Variants in NRDE2 observed in about 807,000 individuals in gnomAD.
The protein encoded by NRDE2 is NRDE-2, necessary for RNA interference, domain containing, also known as nuclear exosome regulator NRDE2.
A neutral mutation model predicts 124.2 loss-of-function variants in NRDE2; 76 were observed. That is an observed-to-expected ratio of 0.61 (90% CI 0.51 to 0.74). The LOEUF (loss-of-function observed/expected upper bound fraction) is 0.74, where lower values mean the gene tolerates loss of function less well. Ranked by LOEUF, NRDE2 falls within the 30% of genes least tolerant of loss-of-function variation. NRDE2 has a pLI of 0.00. For missense variants in NRDE2, 1,314 were observed against 1,417.3 expected, an observed-to-expected ratio of 0.93 and a Z score of 1.17; for synonymous variants, 489 against 528.1, an observed-to-expected ratio of 0.93 and a Z score of 1.01.
chr14:90,301,780 C>G (rs1405555042), intron 6 of NRDE2: 3 of 456,202 alleles, frequency 6.6e-6, no homozygotes, highest in Non-Finnish European at 1.3e-5. Context: ...TCACCAGCAA[C>G]TTTCATCCTA....
At position 90,276,923 on chromosome 14, in the gene NRDE2, A is replaced by C. The variant is rs1256646877; in HGVS notation, c.*1413T>G. On this transcript the variant is annotated 3_prime_UTR_variant, in exon 14 of 14. Coordinates refer to ENST00000354366, the MANE Select transcript of NRDE2 (RefSeq NM_017970.4). The stretch of plus-strand genomic sequence containing the variant: ...CTGATGTCTGCCCCACGCAGAGGAC[A>C]AGGGTGGAGAAGGTCCCTCTTTGTG... 6.6e-6 allele frequency: 1 copy of C among 152,280 alleles called. No individual in the cohort carries two copies. Among genetic ancestry groups the C allele is most frequent in the African/African-American group, 2.4e-5 (1 of 41,450 alleles). The allele number at this position is 152,280 out of a possible 1,614,324, so 9.4% of individuals were successfully genotyped here.
chr14:90,329,890 T>C (rs1325456186), intron 1 of NRDE2, among the ~76,000 whole-genome samples: 2 of 149,030 alleles, frequency 1.3e-5, no homozygotes, highest in Non-Finnish European at 3.0e-5. Flanking sequence ...ACATAAAGCC[T>C]TCTTTGAACC....
rs894073043 is a variant in NRDE2, at chr14:90,270,468, T to C, written c.*7868A>G. 5 of 1,177,160 alleles carry C rather than the reference T, an allele frequency of 4.2e-6. No homozygotes were observed. In the African/African-American group the frequency reaches 4.6e-5, roughly 11 times the overall value. 72.9% of individuals were successfully genotyped at this position (1,177,160 alleles called of 1,614,324 possible). A position where few individuals can be genotyped will look rare whatever the true frequency, so the allele number is the denominator to read the frequency against. Reference sequence around the variant, plus strand: ...GGACAGGTGGGTGTCTGTATTTTAATCATCATATTGGTTTACGATTACATC... The same window carrying C: ...GGACAGGTGGGTGTCTGTATTTTAACCATCATATTGGTTTACGATTACATC... On this transcript the variant is annotated 3_prime_UTR_variant, in exon 14 of 14. Transcript: ENST00000354366.
Position 90,304,150 on chromosome 14 carries a change from G to A in NRDE2, c.790C>T (p.Pro264Ser), listed in dbSNP as rs368460166. The change falls in exon 5 of 14, where the codon CCT becomes TCT. Residue 264 changes from proline to serine, a missense_variant. Physicochemically the swap from Pro to Ser is moderately conservative, Grantham distance 74. Transcript: ENST00000354366. ...IPVKDLEDAA[P>S]VTTWLNPLGI... is the part of the protein sequence containing the mutation. ...AGAGGATTCAACCAGGTTGTAACAG[G>A]AGCCGCATCTTCCAAGTCCTTCACT... The A allele has an allele frequency of 7.0e-5, 113 of 1,614,100 alleles. No homozygotes were observed. The highest frequency in any genetic ancestry group is 8.3e-5 in the Non-Finnish European group (98 of 1,180,054).
chr14:90,314,768 C>T (rs1193988055), intron 3 of NRDE2, among the ~76,000 whole-genome samples: 2 of 152,188 alleles, frequency 1.3e-5, no homozygotes, highest in African/African-American at 2.4e-5. Flanking sequence ...CTGTGCACCA[C>T]GTGCTGTGGG....
chr14:90,326,211 G>C (rs1383163834), intron 1 of NRDE2, among the ~76,000 whole-genome samples: 1 of 152,124 alleles, frequency 6.6e-6, no homozygotes, highest in African/African-American at 2.4e-5. Context: ...GAAAGAGAGG[G>C]AGGCCGGGCG....
intron 8 of NRDE2, among the ~76,000 whole-genome samples, chr14:90,297,940 CAAAAAA>C (rs58242184): frequency 1.0e-5 from 1 of 96,544 alleles, no homozygotes. Context: ...GATTCTGTCT[CAAAAAA>C]AAAAAAAAAA....
At chr14:90,295,577 A>G (rs376681322) in intron 8 of NRDE2, among the ~76,000 whole-genome samples, 1 of 152,232 alleles carries the variant, frequency 6.6e-6, no homozygotes, top group Admixed American at 6.5e-5. Context: ...AGGACTCAAA[A>G]GATTACAGAG....
Position 90,269,354 on chromosome 14 carries a change from G to C in NRDE2, c.*8982C>G, listed in dbSNP as rs761313673. On this transcript the variant is annotated 3_prime_UTR_variant, in exon 14 of 14. Coordinates refer to ENST00000354366, the MANE Select transcript of NRDE2 (RefSeq NM_017970.4). ...TTGCTGTAATTCCCCTTGAGCAGGC[G>C]ATCAGTTGAGTCTTCATTCCTTCCC... 6 of 1,541,026 alleles carry C rather than the reference G, an allele frequency of 3.9e-6. No individual in the cohort carries two copies. Among genetic ancestry groups the C allele is most frequent in the Admixed American group, 3.7e-5 (2 of 54,182 alleles).
chr14:90,287,272 T>C (rs971008332), intron 11 of NRDE2, among the ~76,000 whole-genome samples: 1 of 151,972 alleles, frequency 6.6e-6, no homozygotes, highest in East Asian at 1.9e-4. Context: ...GGGAAAACAA[T>C]GATGCCTAAG....
chr14:90,286,160 C>T (rs559041803), intron 12 of NRDE2, among the ~76,000 whole-genome samples, 194 bp downstream of exon 12: 1 of 152,308 alleles, frequency 6.6e-6, no homozygotes, highest in Non-Finnish European at 1.5e-5. Context: ...GCAACCTCTT[C>T]CCAAGTCCTG....
At chr14:90,308,076 G>A (rs975880369) in intron 4 of NRDE2, among the ~76,000 whole-genome samples, 1 of 152,166 alleles carries the variant, frequency 6.6e-6, no homozygotes, top group African/African-American at 2.4e-5. Flanking sequence ...CCTTAGAAGA[G>A]TGTCTGCCAT....
At chr14:90,316,867 T>C in intron 2 of NRDE2, 56 bp from the exon 3 acceptor site, 1 of 1,134,056 alleles carries the variant, frequency 8.8e-7, no homozygotes, top group Non-Finnish European at 1.3e-6. Flanking sequence ...GGAAAAATAA[T>C]ACTATGTAAA....
At chr14:90,313,271 T>G (rs1035493106) in intron 3 of NRDE2, among the ~76,000 whole-genome samples, 3 of 151,942 alleles carry the variant, frequency 2.0e-5, no homozygotes, top group Non-Finnish European at 4.4e-5. Context: ...GGACTACAGG[T>G]GCCCACCACC....
chr14:90,329,905 A>G (rs748343047), intron 1 of NRDE2, among the ~76,000 whole-genome samples: 17 of 150,662 alleles, frequency 1.1e-4, no homozygotes, highest in Non-Finnish European at 2.1e-4. Context: ...TGAACCTTCT[A>G]TTAGAAGTAA....
chr14:90,325,177 G>C (rs1254246059), intron 1 of NRDE2, among the ~76,000 whole-genome samples: 1 of 152,098 alleles, frequency 6.6e-6, no homozygotes, highest in East Asian at 1.9e-4. Flanking sequence ...GACACGGGAA[G>C]AAAAAGGTTT....
chr14:90,305,402 C>T (rs1272859122), intron 4 of NRDE2, among the ~76,000 whole-genome samples: 7 of 152,220 alleles, frequency 4.6e-5, no homozygotes, highest in Admixed American at 6.5e-5. Flanking sequence ...TAACCTATGA[C>T]CCAGCAATTC....
intron 6 of NRDE2, among the ~76,000 whole-genome samples, 163 bp from the exon 7 acceptor site, chr14:90,301,535 AC>A (rs1205909036): frequency 2.0e-5 from 3 of 152,250 alleles, no homozygotes; most frequent in African/African-American, 7.2e-5. Context: ...AGCGTCTCAC[AC>A]AGTATTATAA....
intron 7 of NRDE2, among the ~76,000 whole-genome samples, chr14:90,299,080 T>G (rs1595064178): frequency 4.8e-5 from 1 of 20,636 alleles, no homozygotes; most frequent in Non-Finnish European, 1.5e-4. Flanking sequence ...AGTCTCGCTC[T>G]TGTTGCCCAG....
Sources: gnomAD v4.1 joint callset for allele counts (sites outside exome capture counted in the v4.1 genomes callset) on GRCh38, gnomAD v4.1.1 for gene constraint, MANE v1.5 for transcripts, NCBI Gene and HGNC (gene_info 2026-07-23, HGNC 2026-07-21) for gene names.